OSBPL8: variants seen among roughly 807,000 people sequenced by gnomAD.
The protein encoded by OSBPL8 is oxysterol-binding protein-related protein 8.
A neutral mutation model predicts 125.5 loss-of-function variants in OSBPL8; 59 were observed. That is an observed-to-expected ratio of 0.47 (90% confidence interval 0.38 to 0.58). The LOEUF is 0.58. Among genes scored for constraint, OSBPL8 ranks in the 20% least tolerant of loss-of-function variants. The probability of loss-of-function intolerance (pLI) is 0.00; values close to 1 mark genes in which losing one functional copy is unlikely to be tolerated. For synonymous variants in OSBPL8, 330 were observed against 338.9 expected, an observed-to-expected ratio of 0.97 and a Z score of 0.29; for missense variants, 758 against 1,047.8, an observed-to-expected ratio of 0.72 and a Z score of 3.82.
chr12:76,352,030 T>C lies in OSBPL8; in HGVS notation c.*3859A>G, dbSNP rs1273909985. On this transcript the variant is annotated 3_prime_UTR_variant, in exon 24 of 24. Transcript: ENST00000261183. ...TACTTACACTGCAGGTAACATATTTTTATTCTATCACACAAAACTGACCAG... is the reference window on the plus strand; with the variant it reads ...TACTTACACTGCAGGTAACATATTTCTATTCTATCACACAAAACTGACCAG... The C allele has an allele frequency of 1.3e-5, 2 of 152,376 alleles. No homozygotes were observed. The highest frequency in any genetic ancestry group is 2.9e-5 in the Non-Finnish European group (2 of 68,038). 9.4% of individuals were successfully genotyped at this position (152,376 alleles called of 1,614,324 possible). A position where few individuals can be genotyped will look rare whatever the true frequency, so the allele number is the denominator to read the frequency against.
chr12:76,538,064 C>A (rs1950546509), intron 1 of OSBPL8: 1 of 152,132 alleles, frequency 6.6e-6, no homozygotes, highest in Admixed American at 6.5e-5. Flanking sequence ...TGGCAGTCAG[C>A]TAACTAACAA....
Position 76,390,632 on chromosome 12 carries a change from G to C in OSBPL8, c.955C>G (p.Gln319Glu). Reference protein sequence around the residue: ...FQLNDSEIERQHFKDQDMYSD... With the variant: ...FQLNDSEIEREHFKDQDMYSD... ...TACATATCTTGGTCCTTAAAATGTT[G>C]TCGTTCAATTTCACTATCATTTAAC... is the stretch of plus-strand genomic sequence containing the variant. Residue 319 changes from glutamine to glutamate, a missense_variant, in exon 11 of 24, where the codon CAA (glutamine) becomes GAA (glutamate). Physicochemically the swap from Gln to Glu is conservative, Grantham distance 29 (BLOSUM62 2). Around this residue, in one of 3 missense-constraint regions of OSBPL8, gnomAD observed 572 missense variants for 762.0 expected, o/e 0.75. Coordinates refer to ENST00000261183, the MANE Select transcript of OSBPL8 (RefSeq NM_020841.5). The C allele has an allele frequency of 3.7e-6, 6 of 1,612,182 alleles. No homozygotes were observed. The highest frequency in any genetic ancestry group is 5.1e-6 in the Non-Finnish European group (6 of 1,178,922).
intron 17 of OSBPL8, among the ~76,000 whole-genome samples, chr12:76,373,808 C>T (rs574511789): frequency 3.6e-4 from 54 of 152,030 alleles, no homozygotes; most frequent in African/African-American, 1.2e-3. Flanking sequence ...ATGGAATTAA[C>T]GATCCATTGA....
In OSBPL8 at chr12:76,352,024, AT is replaced by A. The variant is rs1951840428; in HGVS notation, c.*3864del. ...GTGCTGTACTTACACTGCAGGTAAC[AT>A]ATTTTTATTCTATCACACAAAACTG... On this transcript the variant is annotated 3_prime_UTR_variant, in exon 24 of 24. Coordinates refer to ENST00000261183, the MANE Select transcript of OSBPL8 (RefSeq NM_020841.5). 6.6e-6 allele frequency: 1 copy of A among 152,330 alleles called. No homozygotes were observed. The highest frequency in any genetic ancestry group is 1.5e-5 in the Non-Finnish European group (1 of 68,030). The allele number at this position is 152,330 out of a possible 1,614,324, so 9.4% of individuals were successfully genotyped here.
At chr12:76,552,278 T>G (rs1319570005) in intron 1 of OSBPL8, among the ~76,000 whole-genome samples, 2 of 151,202 alleles carry the variant, frequency 1.3e-5, no homozygotes, top group Non-Finnish European at 2.9e-5. Context: ...TACAAAAAAT[T>G]TGCCAGGCAC....
intron 2 of OSBPL8, among the ~76,000 whole-genome samples, chr12:76,479,764 T>A (rs1202171095): frequency 1.3e-5 from 2 of 152,144 alleles, no homozygotes. Flanking sequence ...AACCATCGTG[T>A]TTTTTCAATA....
At chr12:76,475,549 G>A (rs935814129) in intron 2 of OSBPL8, among the ~76,000 whole-genome samples, 3 of 152,138 alleles carry the variant, frequency 2.0e-5, no homozygotes, top group Non-Finnish European at 2.9e-5. Flanking sequence ...TGAATTAACT[G>A]TGCAACAGTT....
intron 23 of OSBPL8, 141 bp from the exon 24 acceptor site, chr12:76,356,162 T>TGGGGGGGGGGGGGGGGGGGAGGGGGGGGG: frequency 7.6e-6 from 1 of 131,834 alleles, no homozygotes. Flanking sequence ...TATGTAGGGG[T>TGGGGGGGGGGGGGGGGGGGAGGGGGGGGG]GGGGGGGGGC....
chr12:76,408,635 C>T (rs1445089736), intron 5 of OSBPL8, among the ~76,000 whole-genome samples: 8 of 152,020 alleles, frequency 5.3e-5, no homozygotes, highest in African/African-American at 1.9e-4. Flanking sequence ...AGTGTGGCAG[C>T]CACTAGCCAT....
Position 76,392,762 on chromosome 12 carries a change from C to A in OSBPL8, c.758-10G>T, listed in dbSNP as rs1009426570. 2.5e-6 allele frequency: 4 copies of A among 1,594,262 alleles called. No individual in the cohort carries two copies. In the African/African-American group the frequency reaches 4.0e-5, roughly 16 times the overall value. ...TCCATCCAGCACCTTCCTAAAAGAA[C>A]ACAGATTCATAAGCACTATAATTTT... On this transcript the variant is annotated splice_polypyrimidine_tract_variant and intron_variant, in intron 9 of 23. Transcript: ENST00000261183.
chr12:76,453,464 T>C (rs770685136), intron 3 of OSBPL8, among the ~76,000 whole-genome samples: 1 of 152,076 alleles, frequency 6.6e-6, no homozygotes, highest in African/African-American at 2.4e-5. Context: ...AGCTCAGATA[T>C]ACAACAGAAA....
chr12:76,530,644 TA>T (rs1248811759), intron 1 of OSBPL8, among the ~76,000 whole-genome samples: 1 of 152,132 alleles, frequency 6.6e-6, no homozygotes, highest in African/African-American at 2.4e-5. Flanking sequence ...AAGCGCTCCA[TA>T]AGCAGTTTGT....
At chr12:76,453,315 G>A (rs768716062) in intron 3 of OSBPL8, among the ~76,000 whole-genome samples, 1 of 152,040 alleles carries the variant, frequency 6.6e-6, no homozygotes, top group African/African-American at 2.4e-5. Flanking sequence ...TAAAGTATAT[G>A]GTGTCTCTTT....
chr12:76,359,843 C>A (rs1212431258), intron 21 of OSBPL8, among the ~76,000 whole-genome samples: 2 of 152,120 alleles, frequency 1.3e-5, no homozygotes, highest in Non-Finnish European at 2.9e-5. Flanking sequence ...CCCACTAAGT[C>A]CCTCCCACAA....
rs1952363727 is a variant in OSBPL8 at position 76,365,052 on chromosome 12, C to G, written c.2328+4162G>C. Among the ~76,000 whole-genome samples, 4 of 152,122 alleles carry G rather than the reference C, an allele frequency of 2.6e-5. No homozygotes were observed. In the South Asian group the frequency reaches 8.3e-4, roughly 31 times the overall value. Reference sequence around the variant, plus strand: ...TGTCACTACACTTGACCTCTCTGGGCTCACGTGATCCTCCCATCTCAGCTT... The same window carrying G: ...TGTCACTACACTTGACCTCTCTGGGGTCACGTGATCCTCCCATCTCAGCTT... On this transcript the variant is annotated intron_variant, in intron 21 of 23. Coordinates refer to ENST00000261183, the MANE Select transcript of OSBPL8 (RefSeq NM_020841.5).
chr12:76,383,891 G>A (rs1953170743), intron 15 of OSBPL8, among the ~76,000 whole-genome samples: 1 of 151,890 alleles, frequency 6.6e-6, no homozygotes, highest in African/African-American at 2.4e-5. Context: ...AACCATACTT[G>A]GATTCTTCCT....
intron 21 of OSBPL8, among the ~76,000 whole-genome samples, chr12:76,365,766 T>C (rs1388123533): frequency 6.6e-6 from 1 of 152,194 alleles, no homozygotes; most frequent in African/African-American, 2.4e-5. Context: ...AGGAAGTCTC[T>C]TCTCTTCCTA....
chr12:76,518,707 AC>A (rs1881789579), intron 1 of OSBPL8, among the ~76,000 whole-genome samples: 1 of 152,180 alleles, frequency 6.6e-6, no homozygotes, highest in Non-Finnish European at 1.5e-5. Flanking sequence ...TCTTAACACC[AC>A]ATGGAAGCCA....
intron 1 of OSBPL8, among the ~76,000 whole-genome samples, chr12:76,499,350 C>T (rs1040929764): frequency 2.8e-5 from 3 of 107,480 alleles, no homozygotes; most frequent in African/African-American, 1.0e-4. Context: ...ATCTATCTAT[C>T]ATCTATCTAT....
Sources: gnomAD v4.1 joint callset for allele counts (sites outside exome capture counted in the v4.1 genomes callset) on GRCh38, gnomAD v4.1.1 for gene constraint, gnomAD v4.1.1 regional missense constraint, MANE v1.5 for transcripts, NCBI Gene and HGNC (gene_info 2026-07-23, HGNC 2026-07-21) for gene names.